GSTO1: variants seen among roughly 807,000 people sequenced by gnomAD.
The protein encoded by GSTO1 is glutathione S-transferase omega-1.
A neutral mutation model predicts 23.8 loss-of-function variants in GSTO1; 27 were observed. The ratio of observed to expected loss-of-function variants is 1.13; its 90% CI spans 0.83 to 1.56. The LOEUF (loss-of-function observed/expected upper bound fraction) is 1.56, where lower values mean the gene tolerates loss of function less well. Ranked by LOEUF, GSTO1 falls within the 40% of genes most tolerant of loss-of-function variation. GSTO1 has a pLI of 0.00. For synonymous variants in GSTO1, 105 were observed against 109.3 expected (o/e 0.96, Z 0.25); for missense variants, 255 against 285.8 (o/e 0.89, Z 0.78).
intron 3 of GSTO1, among the ~76,000 whole-genome samples, chr10:104,260,181 C>G (rs149850889): frequency 1.3e-5 from 2 of 152,284 alleles, no homozygotes; most frequent in East Asian, 3.9e-4. Flanking sequence ...GGTTAGTGCT[C>G]TAGCTTCTGA....
Position 104,267,434 on chromosome 10 carries a change from G to A in GSTO1, c.*29G>A. 6.5e-7 allele frequency: 1 copy of A among 1,532,656 alleles called. No individual in the cohort carries two copies. The highest frequency in any genetic ancestry group is 8.8e-7 in the Non-Finnish European group (1 of 1,136,758). The allele number at this position is 1,532,656 out of a possible 1,614,324, so 94.9% of individuals were successfully genotyped here. A position where few individuals can be genotyped will look rare whatever the true frequency, so the allele number is the denominator to read the frequency against. On this transcript the variant is annotated 3_prime_UTR_variant, in exon 6 of 6. Transcript: ENST00000369713. ...GGGCAGGAGTCAGCAATAAAGCTAT[G>A]TCTGATATTTTCCTTCACTAATATG...
chr10:104,265,065 A>G (rs1210498440), intron 4 of GSTO1, among the ~76,000 whole-genome samples: 1 of 152,234 alleles, frequency 6.6e-6, no homozygotes, highest in East Asian at 1.9e-4. Context: ...GTAAAGTTGA[A>G]AAGAATTTAA....
chr10:104,261,069 CT>C lies in GSTO1; in HGVS notation c.366+1278del, dbSNP rs1219055893. On this transcript the variant is annotated intron_variant, in intron 3 of 5. Transcript: ENST00000369713. ...TTGGTCTGGTGCCAGTTCTGGAAAACTTTTTTTAGTATGGCTGGAATATAAA... is the reference window on the plus strand; with the variant it reads ...TTGGTCTGGTGCCAGTTCTGGAAAACTTTTTTAGTATGGCTGGAATATAAA... Among the ~76,000 whole-genome samples, 7 of 152,194 alleles carry C rather than the reference CT, an allele frequency of 4.6e-5. 1 individual carries two copies. The highest frequency in any genetic ancestry group is 1.7e-4 in the African/African-American group (7 of 41,542).
intron 3 of GSTO1, among the ~76,000 whole-genome samples, chr10:104,262,267 C>A (rs2011144410): frequency 6.6e-6 from 1 of 152,218 alleles, no homozygotes; most frequent in Admixed American, 6.5e-5. Context: ...GCCTCACAAA[C>A]TGAAGCATCT....
At chr10:104,257,919 T>A (rs181151443) in intron 2 of GSTO1, among the ~76,000 whole-genome samples, 30 of 152,350 alleles carry the variant, frequency 2.0e-4, no homozygotes, top group Middle Eastern at 6.8e-3. Flanking sequence ...TGAAACTTTT[T>A]ATTTTCTTCA....
rs1424388194 is a variant in GSTO1 at position 104,254,979 on chromosome 10, G to A, written c.34+17G>A. Reference sequence around the variant, plus strand: ...TGGGGAAGGGTGAGGCCTGCCCGCCGCGAAGAGGGGGTGATCTCGGCGACC... The same window carrying A: ...TGGGGAAGGGTGAGGCCTGCCCGCCACGAAGAGGGGGTGATCTCGGCGACC... On this transcript the variant is annotated intron_variant, in intron 1 of 5. Transcript: ENST00000369713. 1.2e-6 allele frequency: 2 copies of A among 1,603,264 alleles called. No homozygotes were observed. Among genetic ancestry groups the A allele is most frequent in the South Asian group, 1.1e-5 (1 of 89,622 alleles).
intron 3 of GSTO1, among the ~76,000 whole-genome samples, chr10:104,260,273 T>C (rs12266944): frequency 0.074 from 11,229 of 152,218 alleles, 1,393 homozygotes; most frequent in African/African-American, 0.26. Flanking sequence ...GTGAGGGCTG[T>C]GTTTTGATCA....
intron 3 of GSTO1, among the ~76,000 whole-genome samples, chr10:104,261,100 CAGG>C (rs1307500663): frequency 1.3e-5 from 2 of 152,026 alleles, no homozygotes; most frequent in African/African-American, 2.4e-5. Flanking sequence ...TATAAAGTGT[CAGG>C]AGAAGAGATA....
Position 104,254,928 on chromosome 10 carries a change from G to C in GSTO1, c.-1G>C. ...AGGAGCTCGGCCTGCGCTGCGCCAC[G>C]ATGTCCGGGGAGTCAGCCAGGAGCT... On this transcript the variant is annotated 5_prime_UTR_variant, in exon 1 of 6. Transcript: ENST00000369713. The C allele has an allele frequency of 2.5e-6, 4 of 1,611,534 alleles. No individual in the cohort carries two copies. Among genetic ancestry groups the C allele is most frequent in the Non-Finnish European group, 3.4e-6 (4 of 1,179,294 alleles).
chr10:104,262,810 T>C (rs1381987713), intron 3 of GSTO1, among the ~76,000 whole-genome samples, 169 bp from the exon 4 acceptor site: 2 of 152,250 alleles, frequency 1.3e-5, no homozygotes, highest in East Asian at 1.9e-4. Context: ...GCCACAAAAC[T>C]GTTCCTAAGA....
In GSTO1 at chr10:104,255,229, T is replaced by G. The variant is rs1336993429; in HGVS notation, c.101T>G (p.Phe34Cys). The change falls in exon 2 of 6, where the codon TTT becomes TGT. Residue 34 changes from phenylalanine (F) to cysteine (C), a missense_variant. Coordinates refer to ENST00000369713, the MANE Select transcript of GSTO1 (RefSeq NM_004832.3). Reference sequence around the variant, plus strand: ...ATCTACAGCATGAGGTTCTGCCCGTTTGCTGAGAGGACGCGTCTAGTCCTG... The same window carrying G: ...ATCTACAGCATGAGGTTCTGCCCGTGTGCTGAGAGGACGCGTCTAGTCCTG... ...IRIYSMRFCP[F>C]AERTRLVLKA... 1 of 1,613,734 alleles carries G rather than the reference T, an allele frequency of 6.2e-7. No individual in the cohort carries two copies. Among genetic ancestry groups the G allele is most frequent in the Non-Finnish European group, 8.5e-7 (1 of 1,179,716 alleles).
intron 3 of GSTO1, among the ~76,000 whole-genome samples, chr10:104,261,002 C>G (rs1196236803): frequency 6.6e-6 from 1 of 151,962 alleles, no homozygotes; most frequent in African/African-American, 2.4e-5. Context: ...TCAATACCAA[C>G]CAAAAAAAAT....
Position 104,255,184 on chromosome 10 carries a change from TC to T in GSTO1, c.59del (p.Pro20ArgfsTer10), listed in dbSNP as rs2091596612. ...LGKGSAPPGP[V>X]PEGSIRIYSM... ...GCAGGAAGCGCGCCCCCGGGGCCGG[TC>T]CCGGAGGGCTCGATCCGCATCTACA... On this transcript the variant is annotated frameshift_variant, in exon 2 of 6. Coordinates refer to ENST00000369713, the MANE Select transcript of GSTO1 (RefSeq NM_004832.3). LOFTEE classifies it high-confidence loss of function. 1 of 1,613,448 alleles carries T rather than the reference TC, an allele frequency of 6.2e-7. No individual in the cohort carries two copies. The highest frequency in any genetic ancestry group is 8.5e-7 in the Non-Finnish European group (1 of 1,179,674).
chr10:104,255,543 T>C (rs746805163), intron 2 of GSTO1, among the ~76,000 whole-genome samples: 1 of 152,252 alleles, frequency 6.6e-6, no homozygotes, highest in Non-Finnish European at 1.5e-5. Flanking sequence ...TGTTAGTGAT[T>C]TGCCCGGTAA....
At position 104,255,250 on chromosome 10, in the gene GSTO1, T is replaced by C. The variant is rs781512367; in HGVS notation, c.122T>C (p.Val41Ala). 1.2e-5 allele frequency: 20 copies of C among 1,611,956 alleles called. No individual in the cohort carries two copies. In the East Asian group the frequency reaches 2.2e-4, roughly 18 times the overall value. ...CCGTTTGCTGAGAGGACGCGTCTAG[T>C]CCTGAAGGCCAAGGGAATCAGGTGG... The part of the protein sequence containing the change: ...FCPFAERTRL[V>A]LKAKGIRHEV... Residue 41 changes from valine to alanine, a missense_variant, in exon 2 of 6, where the codon GTC (valine) becomes GCC (alanine). Coordinates refer to ENST00000369713, the MANE Select transcript of GSTO1 (RefSeq NM_004832.3).
At chr10:104,255,020 G>A (rs1589842972) in intron 1 of GSTO1, 58 bp downstream of exon 1, 1 of 1,547,642 alleles carries the variant, frequency 6.5e-7, no homozygotes, top group East Asian at 2.3e-5. Context: ...CGGCATGTTC[G>A]AGGCTGCTCC....
upstream of GSTO1, chr10:104,254,739 C>T (rs2091592699): frequency 2.8e-5 from 18 of 637,120 alleles, no homozygotes; most frequent in South Asian, 2.5e-4. Flanking sequence ...TTTGACACAG[C>T]CCCTTAAGAT....
upstream of GSTO1, chr10:104,254,630 G>A: frequency 4.0e-6 from 2 of 499,608 alleles, no homozygotes; most frequent in South Asian, 4.1e-5. Context: ...CCCGTGGAGT[G>A]CGGAGTGGTG....
At position 104,254,976 on chromosome 10, in the gene GSTO1, G is replaced by A. The variant is rs762481386; in HGVS notation, c.34+14G>A. 6.9e-6 allele frequency: 11 copies of A among 1,603,588 alleles called. No homozygotes were observed. The highest frequency in any genetic ancestry group is 2.2e-5 in the South Asian group (2 of 89,628). On this transcript the variant is annotated intron_variant, in intron 1 of 5. Transcript: ENST00000369713. ...GCTTGGGGAAGGGTGAGGCCTGCCC[G>A]CCGCGAAGAGGGGGTGATCTCGGCG...
Sources: gnomAD v4.1 joint callset for allele counts (sites outside exome capture counted in the v4.1 genomes callset) on GRCh38, gnomAD v4.1.1 for gene constraint, MANE v1.5 for transcripts, NCBI Gene and HGNC (gene_info 2026-07-23, HGNC 2026-07-21) for gene names.